Variants in ARHGEF3 observed in about 807,000 individuals in gnomAD.
ARHGEF3 encodes the protein Rho guanine nucleotide exchange factor 3.
A neutral mutation model predicts 63.2 loss-of-function variants in ARHGEF3; 28 were observed. That is an observed-to-expected ratio of 0.44 (90% CI 0.33 to 0.61). The LOEUF (loss-of-function observed/expected upper bound fraction) is 0.61. Ranked by LOEUF, ARHGEF3 falls within the 20% of genes least tolerant of loss-of-function variation. ARHGEF3 has a pLI of 0.03. For synonymous variants in ARHGEF3, 266 were observed against 254.2 expected (o/e 1.05, Z -0.44); for missense variants, 533 against 659.3 (o/e 0.81, Z 2.10).
rs574207307 is a variant in ARHGEF3, at chr3:56,870,122, G to T, written c.192+12170C>A. ...CATTGTTTGTTATTGGGAAGTATTG[G>T]ACACAACAAAAATGTTTCTCAGTGG... On this transcript the variant is annotated intron_variant, in intron 4 of 12. Transcript: ENST00000338458. 3.3e-5 allele frequency among the ~76,000 whole-genome samples: 5 copies of T among 152,088 alleles called. No homozygotes were observed. The Middle Eastern group carries it at 0.014, about 414-fold the overall frequency.
intron 3 of ARHGEF3, among the ~76,000 whole-genome samples, chr3:56,924,359 G>C (rs2042224744): frequency 6.6e-6 from 1 of 152,186 alleles, no homozygotes; most frequent in African/African-American, 2.4e-5. Context: ...CTGAGGCCCA[G>C]CGACACTACG....
At chr3:56,946,427 C>A (rs965205818) in intron 3 of ARHGEF3, among the ~76,000 whole-genome samples, 1 of 152,120 alleles carries the variant, frequency 6.6e-6, no homozygotes, top group East Asian at 1.9e-4. Context: ...GCAGAGAAGT[C>A]CTTAAAGGAC....
At chr3:56,741,184 CTTTTT>C (rs10662620) in intron 7 of ARHGEF3, among the ~76,000 whole-genome samples, 1 of 128,868 alleles carries the variant, frequency 7.8e-6, no homozygotes. Flanking sequence ...TGCTTTGGTT[CTTTTT>C]TTTTTTTTTT....
intron 2 of ARHGEF3, among the ~76,000 whole-genome samples, chr3:56,997,450 C>T (rs958793727): frequency 3.3e-5 from 5 of 152,140 alleles, no homozygotes; most frequent in Admixed American, 6.5e-5. Flanking sequence ...AGGAAGATGG[C>T]TAAGGGTGGG....
At chr3:56,830,497 A>AC (rs1463973787) in intron 4 of ARHGEF3, among the ~76,000 whole-genome samples, 4 of 152,140 alleles carry the variant, frequency 2.6e-5, no homozygotes, top group African/African-American at 9.7e-5. Context: ...CCCTGCTGCA[A>AC]CCAGTGCCTA....
At chr3:56,749,363 C>A (rs1397024296) in intron 6 of ARHGEF3, among the ~76,000 whole-genome samples, 1 of 152,200 alleles carries the variant, frequency 6.6e-6, no homozygotes, top group Non-Finnish European at 1.5e-5. Context: ...AAGTTACTAA[C>A]AAGGCAAATT....
intron 8 of ARHGEF3, among the ~76,000 whole-genome samples, chr3:56,736,226 G>A (rs2033616777): frequency 6.6e-6 from 1 of 152,064 alleles, no homozygotes; most frequent in Non-Finnish European, 1.5e-5. Context: ...CCCATAATAG[G>A]TTCTAAGGTT....
chr3:56,815,858 C>A (rs1331884515), intron 4 of ARHGEF3, among the ~76,000 whole-genome samples: 1 of 152,160 alleles, frequency 6.6e-6, no homozygotes, highest in Non-Finnish European at 1.5e-5. Flanking sequence ...CCCTTCTGCC[C>A]TTCAAGGGTG....
intron 3 of ARHGEF3, among the ~76,000 whole-genome samples, chr3:56,912,835 A>T (rs1200265496): frequency 6.6e-6 from 1 of 152,214 alleles, no homozygotes; most frequent in African/African-American, 2.4e-5. Context: ...GTCACATCAA[A>T]GTATTAAAAA....
At chr3:57,008,497 G>T (rs1450370775) in intron 2 of ARHGEF3, among the ~76,000 whole-genome samples, 2 of 149,282 alleles carry the variant, frequency 1.3e-5, no homozygotes, top group Non-Finnish European at 3.0e-5. Context: ...TTTTTTTTGA[G>T]ACAGAGACTC....
intron 2 of ARHGEF3, among the ~76,000 whole-genome samples, chr3:56,978,888 G>C (rs1701221302): frequency 6.6e-6 from 1 of 152,204 alleles, no homozygotes; most frequent in African/African-American, 2.4e-5. Flanking sequence ...GGGTACAGTG[G>C]CTCACACCTA....
intron 4 of ARHGEF3, among the ~76,000 whole-genome samples, chr3:56,811,074 G>A (rs2038047154): frequency 6.6e-6 from 1 of 152,152 alleles, no homozygotes; most frequent in South Asian, 2.1e-4. Flanking sequence ...GTGCACTGAG[G>A]AACTACTGTG....
At chr3:56,921,070 A>C (rs905353273) in intron 3 of ARHGEF3, among the ~76,000 whole-genome samples, 3 of 150,758 alleles carry the variant, frequency 2.0e-5, no homozygotes, top group Admixed American at 2.0e-4. Flanking sequence ...AAAAAAAAAA[A>C]AAAAAAACTC....
chr3:57,056,275 T>A (rs1312567688), intron 1 of ARHGEF3, among the ~76,000 whole-genome samples: 1 of 151,010 alleles, frequency 6.6e-6, no homozygotes, highest in Non-Finnish European at 1.5e-5. Context: ...TAATTCCAGC[T>A]ACTCGGGAGG....
chr3:56,947,862 G>C (rs1218916387), intron 3 of ARHGEF3, among the ~76,000 whole-genome samples: 1 of 151,992 alleles, frequency 6.6e-6, no homozygotes, highest in African/African-American at 2.4e-5. Flanking sequence ...TTCCAAAATT[G>C]ACCACATAGT....
chr3:56,904,128 T>A (rs888716570), intron 3 of ARHGEF3, among the ~76,000 whole-genome samples: 1 of 152,002 alleles, frequency 6.6e-6, no homozygotes, highest in Non-Finnish European at 1.5e-5. Context: ...TTCCCCAGCT[T>A]AAGCTATCCT....
intron 2 of ARHGEF3, among the ~76,000 whole-genome samples, chr3:57,009,386 G>A (rs555755577): frequency 9.2e-5 from 14 of 152,258 alleles, no homozygotes; most frequent in East Asian, 1.9e-4. Flanking sequence ...AAAGTTCCCC[G>A]GACCCTCTGA....
intron 3 of ARHGEF3, among the ~76,000 whole-genome samples, chr3:56,935,574 T>C (rs1341241439): frequency 6.6e-6 from 1 of 151,756 alleles, no homozygotes; most frequent in Non-Finnish European, 1.5e-5. Context: ...CCAGCGAGAC[T>C]ACAAGCCCAC....
At chr3:56,778,473 T>C (rs1416014023) in intron 1 of ARHGEF3, among the ~76,000 whole-genome samples, 1 of 152,210 alleles carries the variant, frequency 6.6e-6, no homozygotes, top group African/African-American at 2.4e-5. Flanking sequence ...TAAATAAGTG[T>C]GGCTATATCA....
Sources: allele counts gnomAD v4.1 joint callset (sites outside exome capture counted in the v4.1 genomes callset), GRCh38; gene constraint gnomAD v4.1.1; transcripts MANE v1.5; gene names NCBI Gene and HGNC (gene_info 2026-07-23, HGNC 2026-07-21).